Variants in FARP2 observed in about 807,000 individuals in gnomAD.
The protein encoded by FARP2 is FERM, ARHGEF and pleckstrin domain-containing protein 2.
In FARP2, 111 loss-of-function variants were observed where a neutral mutation model predicts 130.5. The observed-to-expected ratio is 0.85, with a 90% CI of 0.73 to 1.00. The LOEUF (loss-of-function observed/expected upper bound fraction) is 1.00. Ranked by LOEUF, FARP2 falls within the 50% of genes least tolerant of loss-of-function variation. FARP2 has a pLI of 0.00. For missense variants in FARP2, 1,385 were observed against 1,346.3 expected (o/e 1.03, Z -0.45); for synonymous variants, 504 against 516.9 (o/e 0.98, Z 0.34).
intron 1 of FARP2, among the ~76,000 whole-genome samples, chr2:241,363,367 C>T (rs2061233026): frequency 1.3e-5 from 2 of 152,234 alleles, no homozygotes; most frequent in Admixed American, 1.3e-4. Context: ...TTCCCTCCTG[C>T]AGCTCAGTCC....
chr2:241,426,864 A>T (rs989485034), intron 8 of FARP2, among the ~76,000 whole-genome samples: 2 of 152,130 alleles, frequency 1.3e-5, no homozygotes, highest in African/African-American at 4.8e-5. Context: ...TTTTCTATTT[A>T]TTTCTCCTTT....
At chr2:241,441,916 C>T (rs770645179) in intron 13 of FARP2, 4 of 378,714 alleles carry the variant, frequency 1.1e-5, no homozygotes, top group Non-Finnish European at 2.0e-5. Flanking sequence ...CTCTGCCCAG[C>T]CTCTGGTGGC....
chr2:241,439,676 T>G (rs1340143463), intron 12 of FARP2, among the ~76,000 whole-genome samples: 1 of 152,154 alleles, frequency 6.6e-6, no homozygotes, highest in Admixed American at 6.6e-5. Context: ...AAGTTACCTT[T>G]AAGGACAGGC....
Position 241,494,518 on chromosome 2 carries a change from A to C in FARP2, c.*393A>C, listed in dbSNP as rs2065050636. On this transcript the variant is annotated 3_prime_UTR_variant, in exon 27 of 27. Coordinates refer to ENST00000264042, the MANE Select transcript of FARP2 (RefSeq NM_014808.4). This position sits in a 1 kb window ranked among gnomAD's most constrained non-coding sequence, Gnocchi z 4.9. Reference sequence around the variant, plus strand: ...AGGACTGGCCTAGAGCAAGCACTGGAAAAGAGGCCCTGCCATACACCCTGC... The same window carrying C: ...AGGACTGGCCTAGAGCAAGCACTGGCAAAGAGGCCCTGCCATACACCCTGC... 6.3e-6 allele frequency: 1 copy of C among 157,630 alleles called. No individual in the cohort carries two copies. The highest frequency in any genetic ancestry group is 2.1e-4 in the South Asian group (1 of 4,876). 9.8% of individuals were successfully genotyped at this position (157,630 alleles called of 1,614,324 possible).
At chr2:241,463,638 C>T in intron 16 of FARP2, 170 bp downstream of exon 16, 2 of 759,250 alleles carry the variant, frequency 2.6e-6, no homozygotes, top group Admixed American at 5.8e-5. Context: ...CTTTATTCAC[C>T]CTCTTCCAGA....
At chr2:241,377,605 A>G (rs566828955) in intron 2 of FARP2, among the ~76,000 whole-genome samples, 4 of 152,182 alleles carry the variant, frequency 2.6e-5, no homozygotes, top group Admixed American at 2.6e-4. Context: ...GGCCTCCCAT[A>G]GTGCTGGGAT....
chr2:241,467,770 G>T (rs1335161573), intron 17 of FARP2, among the ~76,000 whole-genome samples: 1 of 152,210 alleles, frequency 6.6e-6, no homozygotes, highest in Non-Finnish European at 1.5e-5. Context: ...ACTCGGGTGG[G>T]CTTTGTTTAA....
At chr2:241,456,449 C>G in intron 13 of FARP2, 1 of 303,718 alleles carries the variant, frequency 3.3e-6, no homozygotes, top group Non-Finnish European at 6.0e-6. Context: ...CTGCAGAGCC[C>G]AAAAGAAGCC....
intron 1 of FARP2, among the ~76,000 whole-genome samples, chr2:241,359,286 G>T (rs1273195132): frequency 6.6e-6 from 1 of 152,088 alleles, no homozygotes; most frequent in East Asian, 1.9e-4. Context: ...AAACAAAAAG[G>T]CCCTATAATG....
intron 1 of FARP2, among the ~76,000 whole-genome samples, chr2:241,358,055 G>A (rs1322418188): frequency 6.6e-6 from 1 of 152,186 alleles, no homozygotes; most frequent in African/African-American, 2.4e-5. Context: ...CTGGGCTGGT[G>A]GCGCACGCCT....
Position 241,491,484 on chromosome 2 carries a change from T to A in FARP2, c.2624-32T>A. The A allele has an allele frequency of 1.2e-6, 2 of 1,606,444 alleles. 1 individual carries two copies. Among genetic ancestry groups the A allele is most frequent in the African/African-American group, 2.7e-5 (2 of 73,400 alleles). On this transcript the variant is annotated intron_variant, in intron 23 of 26. Coordinates refer to ENST00000264042, the MANE Select transcript of FARP2 (RefSeq NM_014808.4). The stretch of plus-strand genomic sequence containing the variant: ...TTTGGCAAGCAGAGGCCACAGGGGG[T>A]TCCCCCTGAGACGCTGCTGACTTCT...
rs1275624787 is a variant in FARP2 at position 241,494,306 on chromosome 2, A to T, written c.*181A>T. The T allele has an allele frequency of 2.4e-6, 1 of 409,018 alleles. No individual in the cohort carries two copies. The highest frequency in any genetic ancestry group is 3.7e-5 in the East Asian group (1 of 27,192). 25.3% of individuals were successfully genotyped at this position (409,018 alleles called of 1,614,324 possible). A position where few individuals can be genotyped will look rare whatever the true frequency, so the allele number is the denominator to read the frequency against. On this transcript the variant is annotated 3_prime_UTR_variant, in exon 27 of 27. Transcript: ENST00000264042. This position sits in a 1 kb window ranked among gnomAD's most constrained non-coding sequence, Gnocchi z 4.9. ...GAGGGGCTTCATCCCCCCACCCAGG[A>T]CCTAGTGCATGCCAGCAGCTATCTG...
rs56128645 is a variant in FARP2 at position 241,474,317 on chromosome 2, CAAAAAAAAAAAAAAAAAAAA to C, written c.2132-1526_2132-1507del. 1.7e-4 allele frequency among the ~76,000 whole-genome samples: 8 copies of C among 46,676 alleles called. No homozygotes were observed. The South Asian group carries it at 4.4e-3, about 26-fold the overall frequency. The allele number at this position is 46,676 out of a possible 152,430, so 30.6% of individuals were successfully genotyped here. A position where few individuals can be genotyped will look rare whatever the true frequency, so the allele number is the denominator to read the frequency against. On this transcript the variant is annotated intron_variant, in intron 18 of 26. Coordinates refer to ENST00000264042, the MANE Select transcript of FARP2 (RefSeq NM_014808.4). Reference sequence around the variant, plus strand: ...CAGAGCGCAGAGCGAGATTCCGTCTCAAAAAAAAAAAAAAAAAAAAAAAAAAAAAAAAAGATAGAGCTGGA... The same window carrying C: ...CAGAGCGCAGAGCGAGATTCCGTCTCAAAAAAAAAAAAAGATAGAGCTGGA...
chr2:241,449,109 G>GT (rs779067921), intron 13 of FARP2, among the ~76,000 whole-genome samples: 5 of 152,168 alleles, frequency 3.3e-5, no homozygotes, highest in Non-Finnish European at 5.9e-5. Flanking sequence ...AACTCATCAG[G>GT]TTCACATTTA....
chr2:241,461,833 G>T (rs1024690220), intron 14 of FARP2, among the ~76,000 whole-genome samples: 2 of 152,264 alleles, frequency 1.3e-5, no homozygotes, highest in African/African-American at 2.4e-5. Context: ...CCTCAACAGA[G>T]GGTGGCTCTT....
In FARP2 at chr2:241,367,982, C is replaced by T. The variant is rs1455968054; in HGVS notation, c.-24-5102C>T. On this transcript the variant is annotated intron_variant, in intron 1 of 26. Transcript: ENST00000264042. The stretch of plus-strand genomic sequence containing the variant: ...TATACCCTCCACCCCCACATACACA[C>T]AGCATCCCCTACTGTCAACATTTGT... 3.3e-5 allele frequency among the ~76,000 whole-genome samples: 5 copies of T among 151,844 alleles called. 1 individual carries two copies. In the East Asian group the frequency reaches 9.6e-4, roughly 29 times the overall value.
At chr2:241,358,583 T>G (rs530592057) in intron 1 of FARP2, among the ~76,000 whole-genome samples, 154 of 152,296 alleles carry the variant, frequency 1.0e-3, no homozygotes, top group African/African-American at 3.5e-3. Flanking sequence ...GTCCTTTCAG[T>G]TTTGTTCTTA....
chr2:241,489,334 AG>A (rs1488260022), intron 21 of FARP2: 2 of 152,266 alleles, frequency 1.3e-5, no homozygotes, highest in Non-Finnish European at 2.9e-5. Context: ...TGTTTCTAAG[AG>A]GTATTATCAG....
Position 241,481,444 on chromosome 2 carries a change from C to A in FARP2, c.2263-2021C>A, listed in dbSNP as rs1367384949. Reference sequence around the variant, plus strand: ...TTGAAGCATGTGTATGAATCATGTTCTGTGTTAGCCTTGTTAGAAGAAGGT... The same window carrying A: ...TTGAAGCATGTGTATGAATCATGTTATGTGTTAGCCTTGTTAGAAGAAGGT... On this transcript the variant is annotated intron_variant, in intron 19 of 26. Coordinates refer to ENST00000264042, the MANE Select transcript of FARP2 (RefSeq NM_014808.4). Among the ~76,000 whole-genome samples, 4 of 152,182 alleles carry A rather than the reference C, an allele frequency of 2.6e-5. No homozygotes were observed. The South Asian group carries it at 8.3e-4, about 31-fold the overall frequency.
Sources: gnomAD v4.1 joint callset for allele counts (sites outside exome capture counted in the v4.1 genomes callset) on GRCh38, gnomAD v4.1.1 for gene constraint, Gnocchi (gnomAD v3.1) non-coding constraint, MANE v1.5 for transcripts, NCBI Gene and HGNC (gene_info 2026-07-23, HGNC 2026-07-21) for gene names.